TNFRSF10D: variants seen among roughly 807,000 people sequenced by gnomAD.
TNFRSF10D encodes TNF receptor superfamily member 10d, also known as tumor necrosis factor receptor superfamily member 10D.
In TNFRSF10D, 28 loss-of-function variants were observed where a neutral mutation model predicts 42.1. That is an observed-to-expected ratio of 0.66 (90% CI 0.49 to 0.91). The LOEUF (loss-of-function observed/expected upper bound fraction) is 0.91. Ranked by LOEUF, TNFRSF10D falls within the 40% of genes least tolerant of loss-of-function variation. The pLI, the probability that TNFRSF10D is intolerant of heterozygous loss-of-function variation, is 0.00. For synonymous variants in TNFRSF10D, 186 were observed against 189.4 expected, an observed-to-expected ratio of 0.98 and a Z score of 0.15; for missense variants, 503 against 486.1, an observed-to-expected ratio of 1.03 and a Z score of -0.33.
Position 23,136,176 on chromosome 8 carries a change from G to A in TNFRSF10D, c.*1694C>T, listed in dbSNP as rs114600599. ...CCGTAATTTATCCTACCACGACTGG[G>A]CTACTGTGGAGAAGAGTTTGCTGGA... is the stretch of plus-strand genomic sequence containing the variant. On this transcript the variant is annotated 3_prime_UTR_variant, in exon 9 of 9. Transcript: ENST00000312584. 1,474 of 257,546 alleles carry A rather than the reference G, an allele frequency of 5.7e-3. No individual in the cohort carries two copies. The highest frequency in any genetic ancestry group is 0.021 in the African/African-American group (920 of 44,376). The allele number at this position is 257,546 out of a possible 1,614,324, so 16.0% of individuals were successfully genotyped here. A position where few individuals can be genotyped will look rare whatever the true frequency, so the allele number is the denominator to read the frequency against.
intron 1 of TNFRSF10D, among the ~76,000 whole-genome samples, chr8:23,160,747 A>G (rs1407960344): frequency 4.3e-3 from 653 of 151,798 alleles, no homozygotes; most frequent in African/African-American, 0.013. Context: ...ACAGAGAACC[A>G]GAACTGGGAC....
At chr8:23,163,713 T>A (rs1340339790) in intron 1 of TNFRSF10D, 73 bp downstream of exon 1, 2 of 1,555,876 alleles carry the variant, frequency 1.3e-6, no homozygotes, top group Non-Finnish European at 1.7e-6. Flanking sequence ...CCCCACCGTG[T>A]CCCCCTCTCT....
chr8:23,161,613 C>T (rs535777684), intron 1 of TNFRSF10D, among the ~76,000 whole-genome samples: 3 of 152,358 alleles, frequency 2.0e-5, no homozygotes, highest in East Asian at 3.9e-4. Flanking sequence ...CTGGATCCCC[C>T]GGTCATCTAC....
chr8:23,160,565 T>G (rs1800352715), intron 1 of TNFRSF10D, among the ~76,000 whole-genome samples: 1 of 152,186 alleles, frequency 6.6e-6, no homozygotes, highest in Admixed American at 6.5e-5. Context: ...CAACCTGCCC[T>G]CATGTCCCCT....
Position 23,137,629 on chromosome 8 carries a change from G to C in TNFRSF10D, c.*241C>G. 1 of 464,780 alleles carries C rather than the reference G, an allele frequency of 2.2e-6. No homozygotes were observed. Among genetic ancestry groups the C allele is most frequent in the Non-Finnish European group, 3.7e-6 (1 of 268,320 alleles). 28.8% of individuals were successfully genotyped at this position (464,780 alleles called of 1,614,324 possible). On this transcript the variant is annotated 3_prime_UTR_variant, in exon 9 of 9. Transcript: ENST00000312584. ...CTAAAACGACCCTTAATACACAATC[G>C]TATAACTATGCAGCCAAGAATCTGA...
chr8:23,152,723 A>G (rs1423548132), intron 2 of TNFRSF10D, among the ~76,000 whole-genome samples: 939 of 152,300 alleles, frequency 6.2e-3, no homozygotes, highest in African/African-American at 0.019. Context: ...GGAAAGTAAC[A>G]AAAATAAATG....
chr8:23,147,917 T>C (rs1800146792), intron 3 of TNFRSF10D, among the ~76,000 whole-genome samples: 1 of 151,598 alleles, frequency 6.6e-6, no homozygotes, highest in Non-Finnish European at 1.5e-5. Context: ...AAAAAAAAAT[T>C]AGCCGGGTGT....
At chr8:23,154,188 A>G (rs1800244414) in intron 2 of TNFRSF10D, among the ~76,000 whole-genome samples, 1 of 152,248 alleles carries the variant, frequency 6.6e-6, no homozygotes, top group South Asian at 2.1e-4. Flanking sequence ...GGTAGAGAGT[A>G]GAATGGTGAT....
In TNFRSF10D at chr8:23,137,512, T is replaced by C. The variant is rs550755952; in HGVS notation, c.*358A>G. On this transcript the variant is annotated 3_prime_UTR_variant, in exon 9 of 9. Transcript: ENST00000312584. ...TTGAGATGGAGTTTCACTGTGTTGA[T>C]GAGGCTGGTCTCAAACTCCCGAGCT... 904 of 173,852 alleles carry C rather than the reference T, an allele frequency of 5.2e-3. No individual in the cohort carries two copies. The highest frequency in any genetic ancestry group is 0.018 in the African/African-American group (748 of 42,006). The allele number at this position is 173,852 out of a possible 1,614,324, so 10.8% of individuals were successfully genotyped here. A position where few individuals can be genotyped will look rare whatever the true frequency, so the allele number is the denominator to read the frequency against.
intron 7 of TNFRSF10D, among the ~76,000 whole-genome samples, chr8:23,142,006 T>G (rs1800030877): frequency 6.6e-6 from 1 of 152,188 alleles, no homozygotes; most frequent in African/African-American, 2.4e-5. Context: ...GCGCGGTGGC[T>G]CACACCTGTA....
Position 23,158,920 on chromosome 8 carries a change from C to G in TNFRSF10D, c.151-3941G>C, listed in dbSNP as rs577740976. Among the ~76,000 whole-genome samples the G allele has an allele frequency of 6.3e-4, 96 of 152,244 alleles. 1 individual carries two copies. Among genetic ancestry groups the G allele is most frequent in the African/African-American group, 2.0e-3 (83 of 41,552 alleles). ...CCGCGATAAGATAATGACATGTCTA[C>G]CGTCCTGCAGTGTTTCTTCATTTTT... is the stretch of plus-strand genomic sequence containing the variant. On this transcript the variant is annotated intron_variant, in intron 1 of 8. Transcript: ENST00000312584.
chr8:23,148,669 C>T (rs1800163316), intron 2 of TNFRSF10D, 118 bp from the exon 3 acceptor site: 1 of 645,184 alleles, frequency 1.5e-6, no homozygotes, highest in Non-Finnish European at 2.7e-6. Flanking sequence ...ATCTGCTCTT[C>T]TTGGCTTGGT....
At chr8:23,151,497 A>C (rs975597188) in intron 2 of TNFRSF10D, among the ~76,000 whole-genome samples, 1 of 152,266 alleles carries the variant, frequency 6.6e-6, no homozygotes, top group Non-Finnish European at 1.5e-5. Flanking sequence ...TACATGGTCA[A>C]GTTCAGAATA....
At chr8:23,161,363 G>A (rs1278967561) in intron 1 of TNFRSF10D, among the ~76,000 whole-genome samples, 2 of 150,558 alleles carry the variant, frequency 1.3e-5, no homozygotes, top group Admixed American at 6.6e-5. Flanking sequence ...AGAGAAGGGC[G>A]GGGCGGAAGC....
chr8:23,146,550 A>G (rs182649825), intron 4 of TNFRSF10D, among the ~76,000 whole-genome samples: 926 of 152,198 alleles, frequency 6.1e-3, no homozygotes, highest in African/African-American at 0.019. Flanking sequence ...GTCCCTGCCC[A>G]CATAAAAAAT....
chr8:23,155,704 A>AAAAAAAC (rs564780193), intron 1 of TNFRSF10D, among the ~76,000 whole-genome samples: 55 of 152,070 alleles, frequency 3.6e-4, no homozygotes, highest in African/African-American at 1.3e-3. Flanking sequence ...TGTCTCAAAA[A>AAAAAAAC]AAAAAACAAA....
chr8:23,149,189 CAAAAAAA>C (rs370400558), intron 2 of TNFRSF10D, among the ~76,000 whole-genome samples: 1 of 85,698 alleles, frequency 1.2e-5, no homozygotes, highest in African/African-American at 4.9e-5. Flanking sequence ...GACTCTGTCT[CAAAAAAA>C]AAAAAAAAAA....
rs1478080768 is a variant in TNFRSF10D at position 23,148,550 on chromosome 8, T to A, written c.258A>T (p.Gly86=). The A allele has an allele frequency of 1.9e-6, 3 of 1,604,258 alleles. No homozygotes were observed. Among genetic ancestry groups the A allele is most frequent in the Non-Finnish European group, 2.6e-6 (3 of 1,173,052 alleles). The change falls in exon 3 of 9, where the codon GGA becomes GGT. Residue 86 remains glycine (G), a splice_region_variant and synonymous_variant. Transcript: ENST00000312584. ...RSLKEEECPA[G]SHRSEYTGAC... is the part of the protein sequence containing the mutation. ...CTCCAGTATATTCTGATCTATGAGA[T>A]CCTGGGAAGGGAGAGAAAAGTTAAT...
At chr8:23,140,970 T>C (rs1365156534) in intron 7 of TNFRSF10D, among the ~76,000 whole-genome samples, 1 of 152,240 alleles carries the variant, frequency 6.6e-6, no homozygotes, top group Non-Finnish European at 1.5e-5. Flanking sequence ...GCTAGCCATA[T>C]GCAGAACAAC....
Sources: allele counts gnomAD v4.1 joint callset (sites outside exome capture counted in the v4.1 genomes callset), GRCh38; gene constraint gnomAD v4.1.1; transcripts MANE v1.5; gene names NCBI Gene and HGNC (gene_info 2026-07-23, HGNC 2026-07-21).